The following PANK1 variants were observed in gnomAD, a reference collection of about 807,000 sequenced individuals.
PANK1 encodes pantothenic acid kinase 1.
In PANK1, 18 loss-of-function variants were observed where a neutral mutation model predicts 40.1. The observed-to-expected ratio is 0.45, with a 90% CI of 0.31 to 0.67. PANK1 has a LOEUF of 0.67. PANK1 is among the 30% of genes least tolerant of loss of function. The probability of loss-of-function intolerance (pLI) is 0.06; values close to 1 mark genes in which losing one functional copy is unlikely to be tolerated. For synonymous variants in PANK1, 242 were observed against 237.7 expected, an observed-to-expected ratio of 1.02 and a Z score of -0.17; for missense variants, 457 against 599.6, an observed-to-expected ratio of 0.76 and a Z score of 2.48.
chr10:89,621,730 G>A (rs1589802008), intron 1 of PANK1, among the ~76,000 whole-genome samples: 1 of 133,302 alleles, frequency 7.5e-6, no homozygotes, highest in Non-Finnish European at 1.8e-5. Context: ...TTTACTTTTA[G>A]GGGGATGGAG....
At chr10:89,612,967 G>A (rs1032299295) in intron 1 of PANK1, among the ~76,000 whole-genome samples, 32 of 152,188 alleles carry the variant, frequency 2.1e-4, no homozygotes, top group Non-Finnish European at 3.4e-4. Context: ...ACAAAGGCAT[G>A]CCTCTAGGTG....
At chr10:89,589,929 C>T (rs926659501) in intron 5 of PANK1, among the ~76,000 whole-genome samples, 3 of 151,296 alleles carry the variant, frequency 2.0e-5, no homozygotes, top group African/African-American at 7.3e-5. Context: ...AAAGCCCAGT[C>T]CTGCATTACC....
intron 1 of PANK1, among the ~76,000 whole-genome samples, chr10:89,623,627 AT>A (rs1312752218): frequency 6.6e-6 from 1 of 152,134 alleles, no homozygotes; most frequent in African/African-American, 2.4e-5. Context: ...AAATGAAATT[AT>A]TTTAACTTTG....
At chr10:89,614,508 G>A (rs1424055291) in intron 1 of PANK1, among the ~76,000 whole-genome samples, 2 of 152,286 alleles carry the variant, frequency 1.3e-5, no homozygotes, top group Non-Finnish European at 1.5e-5. Flanking sequence ...CTATTAAAAA[G>A]AGAGTGAGGC....
At chr10:89,627,137 C>G (rs1845681289) in intron 1 of PANK1, among the ~76,000 whole-genome samples, 1 of 151,780 alleles carries the variant, frequency 6.6e-6, no homozygotes, top group Admixed American at 6.6e-5. Context: ...CTGAAATAAA[C>G]ACTTGCTTTA....
At chr10:89,616,631 T>TA (rs199996407) in intron 1 of PANK1, among the ~76,000 whole-genome samples, 37 of 148,116 alleles carry the variant, frequency 2.5e-4, no homozygotes, top group East Asian at 5.9e-4. Flanking sequence ...ATCCATCTCT[T>TA]AAAAAAAAAA....
At chr10:89,640,211 A>G (rs1319808066) in intron 1 of PANK1, among the ~76,000 whole-genome samples, 1 of 152,232 alleles carries the variant, frequency 6.6e-6, no homozygotes, top group Non-Finnish European at 1.5e-5. Context: ...TCACTCAATA[A>G]TAGCTACTTT....
chr10:89,586,557 T>C (rs868096342), intron 6 of PANK1, among the ~76,000 whole-genome samples: 3 of 152,224 alleles, frequency 2.0e-5, no homozygotes, highest in Non-Finnish European at 2.9e-5. Flanking sequence ...TAAAACAAAA[T>C]GCAGGCATAG....
chr10:89,609,490 T>C (rs1289765068), intron 2 of PANK1, among the ~76,000 whole-genome samples: 1 of 152,266 alleles, frequency 6.6e-6, no homozygotes, highest in Non-Finnish European at 1.5e-5. Context: ...AGTGAGTGAA[T>C]GAATGCTTAG....
intron 1 of PANK1, among the ~76,000 whole-genome samples, chr10:89,616,857 G>A (rs573195879): frequency 6.6e-6 from 1 of 151,980 alleles, no homozygotes; most frequent in Non-Finnish European, 1.5e-5. Context: ...GGAGGCGGAG[G>A]TTGCAGTGAG....
intron 2 of PANK1, among the ~76,000 whole-genome samples, chr10:89,600,819 C>T (rs1564622599): frequency 6.6e-6 from 1 of 152,154 alleles, no homozygotes; most frequent in Non-Finnish European, 1.5e-5. Context: ...CAATCACCAA[C>T]ATGAAACTGA....
At chr10:89,613,176 C>A (rs1224925801) in intron 1 of PANK1, among the ~76,000 whole-genome samples, 3 of 152,202 alleles carry the variant, frequency 2.0e-5, no homozygotes, top group Admixed American at 1.3e-4. Context: ...GAACACAGAG[C>A]AAACCCAAAT....
chr10:89,643,960 A>C, intron 1 of PANK1: 1 of 979,978 alleles, frequency 1.0e-6, no homozygotes, highest in South Asian at 2.2e-5. Flanking sequence ...AAAAAAATCC[A>C]CCTCCAATCC....
At position 89,593,108 on chromosome 10, in the gene PANK1, G is replaced by A. The variant is rs904642445; in HGVS notation, c.1200+89C>T. 8.6e-6 allele frequency: 11 copies of A among 1,280,130 alleles called. No homozygotes were observed. The African/African-American group carries it at 1.6e-4, about 19-fold the overall frequency. 79.3% of individuals were successfully genotyped at this position (1,280,130 alleles called of 1,614,324 possible). A position where few individuals can be genotyped will look rare whatever the true frequency, so the allele number is the denominator to read the frequency against. On this transcript the variant is annotated intron_variant, in intron 5 of 6. Transcript: ENST00000307534. ...TAAAGGGAAGCTTTCCTAAGGATATGTAGTTGTGTAAGAGTCAACAGGTGT... is the reference window on the plus strand; with the variant it reads ...TAAAGGGAAGCTTTCCTAAGGATATATAGTTGTGTAAGAGTCAACAGGTGT...
intron 4 of PANK1, 47 bp downstream of exon 4, chr10:89,593,766 G>T (rs187091744): frequency 2.8e-6 from 4 of 1,425,684 alleles, no homozygotes; most frequent in Non-Finnish European, 4.0e-6. Flanking sequence ...GGGTGGAGAG[G>T]CTGCCTTGTG....
chr10:89,623,392 T>G (rs1208389872), intron 1 of PANK1, among the ~76,000 whole-genome samples: 3 of 151,980 alleles, frequency 2.0e-5, no homozygotes, highest in Non-Finnish European at 4.4e-5. Context: ...TGGCTAATTT[T>G]TTTTTGTATT....
At chr10:89,633,421 C>T (rs1188809153) in intron 1 of PANK1, among the ~76,000 whole-genome samples, 1 of 151,982 alleles carries the variant, frequency 6.6e-6, no homozygotes, top group Non-Finnish European at 1.5e-5. Flanking sequence ...AAACCTTCCA[C>T]AAAAAAGGAT....
chr10:89,644,658 G>A lies in PANK1; in HGVS notation c.234C>T (p.Ser78=), dbSNP rs1842062018. The change falls in exon 1 of 7, where the codon TCC becomes TCT. Residue 78 remains serine, a synonymous_variant. Transcript: ENST00000307534. ...TCCGCAGCCGGCATTTCTTGGCCGG[G>A]GAGTCATGCTGAGGGAGCAGTGGCT... The part of the protein sequence containing the change: ...QPQPLLPQHD[S]PAKKCRLRRR... 2 of 1,577,800 alleles carry A rather than the reference G, an allele frequency of 1.3e-6. No homozygotes were observed. Among genetic ancestry groups the A allele is most frequent in the East Asian group, 2.3e-5 (1 of 42,970 alleles).
chr10:89,592,033 C>T (rs1844407849), intron 5 of PANK1, among the ~76,000 whole-genome samples: 2 of 152,150 alleles, frequency 1.3e-5, no homozygotes, highest in Non-Finnish European at 2.9e-5. Flanking sequence ...TGGAAAAATT[C>T]CCTTTAAAGG....
Sources: gnomAD v4.1 joint callset for allele counts (sites outside exome capture counted in the v4.1 genomes callset) on GRCh38, gnomAD v4.1.1 for gene constraint, MANE v1.5 for transcripts, NCBI Gene and HGNC (gene_info 2026-07-23, HGNC 2026-07-21) for gene names.